The following OXSR1 variants were observed in gnomAD, a reference collection of about 807,000 sequenced individuals.
OXSR1 encodes serine/threonine-protein kinase OSR1.
Under a neutral mutation model 79.8 loss-of-function variants are expected in OXSR1, and 24 were observed. The ratio of observed to expected loss-of-function variants is 0.30; its 90% confidence interval spans 0.22 to 0.42. The LOEUF is 0.42. Among genes scored for constraint, OXSR1 ranks in the 10% least tolerant of loss-of-function variants. OXSR1 has a pLI of 1.00. For synonymous variants in OXSR1, 226 were observed against 209.2 expected (o/e 1.08, Z -0.69); for missense variants, 430 against 618.4 (o/e 0.70, Z 3.23).
intron 3 of OXSR1, among the ~76,000 whole-genome samples, chr3:38,196,397 C>T (rs961393668): frequency 2.0e-5 from 3 of 152,056 alleles, no homozygotes; most frequent in African/African-American, 4.8e-5. Context: ...GGATAAGAAG[C>T]GGGGGAGCTT....
intron 4 of OXSR1, among the ~76,000 whole-genome samples, chr3:38,202,414 C>T (rs1185808988): frequency 1.3e-5 from 2 of 152,138 alleles, no homozygotes; most frequent in African/African-American, 4.8e-5. Context: ...GACAGATTCT[C>T]TGTCACCCAG....
intron 2 of OXSR1, among the ~76,000 whole-genome samples, chr3:38,183,932 A>G (rs1310424940): frequency 3.3e-5 from 5 of 152,232 alleles, no homozygotes; most frequent in Non-Finnish European, 7.3e-5. Flanking sequence ...TAATGAAAAT[A>G]ATAATACTTG....
At chr3:38,229,987 A>G (rs1224415886) in intron 9 of OXSR1, among the ~76,000 whole-genome samples, 1 of 152,210 alleles carries the variant, frequency 6.6e-6, no homozygotes, top group Non-Finnish European at 1.5e-5. Flanking sequence ...TTATAAATAT[A>G]ATTTGTGAAA....
intron 5 of OXSR1, among the ~76,000 whole-genome samples, chr3:38,220,016 A>G (rs1056724454): frequency 1.1e-4 from 16 of 152,112 alleles, no homozygotes; most frequent in Admixed American, 9.8e-4. Context: ...TGTGTTGCCC[A>G]GGCTGGTCTT....
intron 15 of OXSR1, among the ~76,000 whole-genome samples, chr3:38,250,501 C>G (rs1703234087): frequency 6.6e-6 from 1 of 152,302 alleles, no homozygotes; most frequent in East Asian, 1.9e-4. Flanking sequence ...GCAGTCTCCT[C>G]TCTCCTCAGA....
Position 38,254,788 on chromosome 3 carries a change from C to A in OXSR1, c.*1897C>A, listed in dbSNP as rs947351704. 6.6e-6 allele frequency: 1 copy of A among 151,666 alleles called. No homozygotes were observed. Among genetic ancestry groups the A allele is most frequent in the Non-Finnish European group, 1.5e-5 (1 of 67,896 alleles). 9.4% of individuals were successfully genotyped at this position (151,666 alleles called of 1,614,324 possible). A position where few individuals can be genotyped will look rare whatever the true frequency, so the allele number is the denominator to read the frequency against. On this transcript the variant is annotated 3_prime_UTR_variant, in exon 18 of 18. Coordinates refer to ENST00000311806, the MANE Select transcript of OXSR1 (RefSeq NM_005109.3). ...CAAGGGGTGGCAGCATCACTCTGTT[C>A]TAGCATTCTTTGTGGAGATGGTCTG...
intron 1 of OXSR1, among the ~76,000 whole-genome samples, chr3:38,174,774 A>G (rs992218761): frequency 2.0e-5 from 3 of 152,204 alleles, no homozygotes; most frequent in African/African-American, 7.2e-5. Context: ...AAGGGAAGAT[A>G]AGATGATTCC....
rs189484178 is a variant in OXSR1, at chr3:38,247,138, G to A, written c.1258-530G>A. The stretch of plus-strand genomic sequence containing the variant: ...ATACAGTTGTCTTAGGAAAATTGAT[G>A]GAAAAATTAGATTCATTTTATAAAC... On this transcript the variant is annotated intron_variant, in intron 13 of 17. Coordinates refer to ENST00000311806, the MANE Select transcript of OXSR1 (RefSeq NM_005109.3). Among the ~76,000 whole-genome samples, 142 of 151,876 alleles carry A rather than the reference G, an allele frequency of 9.3e-4. 3 individuals carry two copies. The South Asian group carries it at 0.028, about 30-fold the overall frequency.
At chr3:38,210,629 T>G (rs916773350) in intron 4 of OXSR1, among the ~76,000 whole-genome samples, 4 of 152,124 alleles carry the variant, frequency 2.6e-5, no homozygotes, top group African/African-American at 9.7e-5. Flanking sequence ...CAGACATTTG[T>G]CAACTACAAT....
intron 11 of OXSR1, among the ~76,000 whole-genome samples, chr3:38,238,113 T>G (rs544909665): frequency 9.0e-4 from 137 of 152,288 alleles, no homozygotes; most frequent in African/African-American, 3.2e-3. Flanking sequence ...GTAGCTTTCT[T>G]ATAACCTAAT....
Position 38,165,591 on chromosome 3 carries a change from A to C in OXSR1, c.-286A>C. On this transcript the variant is annotated 5_prime_UTR_variant, in exon 1 of 18. Transcript: ENST00000311806. ...GGGACAGAGGGGCTGGGCCCAGGCAAAGCTTCTGTCGCTGCTGCTGCGGAG... is the reference window on the plus strand; with the variant it reads ...GGGACAGAGGGGCTGGGCCCAGGCACAGCTTCTGTCGCTGCTGCTGCGGAG... 2.5e-6 allele frequency: 1 copy of C among 403,976 alleles called. No homozygotes were observed. The highest frequency in any genetic ancestry group is 4.5e-6 in the Non-Finnish European group (1 of 223,152). The allele number at this position is 403,976 out of a possible 1,614,324, so 25.0% of individuals were successfully genotyped here.
At chr3:38,200,084 G>A (rs768599071) in intron 4 of OXSR1, among the ~76,000 whole-genome samples, 5 of 152,174 alleles carry the variant, frequency 3.3e-5, no homozygotes, top group Non-Finnish European at 7.3e-5. Context: ...TGGGCCTACC[G>A]GCTGTACTGC....
intron 3 of OXSR1, among the ~76,000 whole-genome samples, chr3:38,192,362 G>A (rs1702000155): frequency 6.6e-6 from 1 of 152,084 alleles, no homozygotes; most frequent in Non-Finnish European, 1.5e-5. Context: ...ATACTCTAAT[G>A]AGCTTTGGTA....
intron 8 of OXSR1, among the ~76,000 whole-genome samples, chr3:38,229,325 TTAGA>T (rs1470397887): frequency 4.6e-5 from 7 of 151,952 alleles, no homozygotes; most frequent in African/African-American, 1.4e-4. Flanking sequence ...GCTAAAAATG[TTAGA>T]TAGATATTTT....
At chr3:38,233,333 A>G (rs780576286) in intron 10 of OXSR1, among the ~76,000 whole-genome samples, 11 of 152,230 alleles carry the variant, frequency 7.2e-5, no homozygotes, top group Admixed American at 6.5e-5. Flanking sequence ...CAATCTGACT[A>G]GCCTAAGAGG....
intron 4 of OXSR1, among the ~76,000 whole-genome samples, chr3:38,202,866 G>A (rs967300424): frequency 2.0e-5 from 3 of 152,162 alleles, no homozygotes; most frequent in Admixed American, 6.5e-5. Context: ...CTTGGTAAGC[G>A]GTAATGTCAG....
chr3:38,204,598 C>T (rs939259838), intron 4 of OXSR1, among the ~76,000 whole-genome samples: 4 of 151,432 alleles, frequency 2.6e-5, no homozygotes, highest in African/African-American at 9.7e-5. Flanking sequence ...CAATGAGTTC[C>T]CTTCTGGCCC....
chr3:38,217,089 A>C (rs1702495642), intron 5 of OXSR1, among the ~76,000 whole-genome samples: 1 of 152,256 alleles, frequency 6.6e-6, no homozygotes, highest in African/African-American at 2.4e-5. Flanking sequence ...AGAGAAAAAA[A>C]AACTCTAAAA....
At chr3:38,179,871 CA>C (rs1701749208) in intron 1 of OXSR1, among the ~76,000 whole-genome samples, 1 of 151,748 alleles carries the variant, frequency 6.6e-6, no homozygotes, top group African/African-American at 2.4e-5. Flanking sequence ...GAAAGTGGCG[CA>C]ATCTCAGCTC....
Sources: gnomAD v4.1 joint callset for allele counts (sites outside exome capture counted in the v4.1 genomes callset) on GRCh38, gnomAD v4.1.1 for gene constraint, MANE v1.5 for transcripts, NCBI Gene and HGNC (gene_info 2026-07-23, HGNC 2026-07-21) for gene names.